NFIC: variants seen among roughly 807,000 people sequenced by gnomAD.
NFIC encodes nuclear factor I C.
A neutral mutation model predicts 54.4 loss-of-function variants in NFIC; 12 were observed. The observed-to-expected ratio is 0.22, with a 90% CI of 0.14 to 0.36. The LOEUF is 0.36. Among genes scored for constraint, NFIC ranks in the 10% least tolerant of loss-of-function variants. The pLI is 1.00. For missense variants in NFIC, 575 were observed against 718.2 expected (o/e 0.80, Z 2.28); for synonymous variants, 322 against 319.2 (o/e 1.01, Z -0.09).
chr19:3,369,513 G>A lies in NFIC; in HGVS notation c.30+2847G>A, dbSNP rs577374656. On this transcript the variant is annotated intron_variant, in intron 1 of 10. Transcript: ENST00000443272. The surrounding 1 kb of genome is among the most constrained non-coding windows in gnomAD (Gnocchi z 4.3). ...ATCCTTCTCGGGAGCCGAGGCTGGC[G>A]GGGGGTGGGGGGCATCTCGGTGCCA... Among the ~76,000 whole-genome samples, 350 of 152,178 alleles carry A rather than the reference G, an allele frequency of 2.3e-3. 2 individuals carry two copies. Among genetic ancestry groups the A allele is most frequent in the African/African-American group, 8.0e-3 (331 of 41,512 alleles).
intron 2 of NFIC, among the ~76,000 whole-genome samples, chr19:3,387,145 G>C (rs2081309350): frequency 6.6e-6 from 1 of 152,214 alleles, no homozygotes; most frequent in Non-Finnish European, 1.5e-5. Context: ...GGGGTGCAGG[G>C]TGGATGGCGG....
chr19:3,415,031 G>A (rs1194187823), intron 2 of NFIC, among the ~76,000 whole-genome samples: 1 of 151,862 alleles, frequency 6.6e-6, no homozygotes, highest in Non-Finnish European at 1.5e-5. Context: ...GTAGAGACGG[G>A]GTTTCTCCAT....
chr19:3,368,197 G>A (rs903280545), intron 1 of NFIC, among the ~76,000 whole-genome samples: 6 of 152,198 alleles, frequency 3.9e-5, no homozygotes, highest in Non-Finnish European at 5.9e-5. Flanking sequence ...AGGTGTCCCC[G>A]CTCTGTCCTC....
chr19:3,378,798 G>A (rs902000212), intron 1 of NFIC, among the ~76,000 whole-genome samples: 5 of 152,164 alleles, frequency 3.3e-5, no homozygotes, highest in South Asian at 2.1e-4. Context: ...GTGGCTGAGC[G>A]TCTGCTTCTC....
chr19:3,406,443 G>A (rs1477837220), intron 2 of NFIC, among the ~76,000 whole-genome samples: 1 of 150,762 alleles, frequency 6.6e-6, no homozygotes, highest in Non-Finnish European at 1.5e-5. Flanking sequence ...GCTCAAGCTG[G>A]TCTCGAACTT....
intron 1 of NFIC, among the ~76,000 whole-genome samples, chr19:3,368,979 C>T (rs117239071): frequency 0.026 from 3,913 of 151,522 alleles, 73 homozygotes; most frequent in Middle Eastern, 0.055. Flanking sequence ...ATCTCTGTCT[C>T]TCCCCGCCTC....
intron 2 of NFIC, among the ~76,000 whole-genome samples, chr19:3,415,203 G>A (rs967700647): frequency 1.6e-4 from 24 of 149,812 alleles, no homozygotes; most frequent in African/African-American, 5.2e-4. Context: ...GCCTCCACCT[G>A]CCAGGTTCAA....
chr19:3,397,216 G>A (rs1268692604), intron 2 of NFIC, among the ~76,000 whole-genome samples: 3 of 152,160 alleles, frequency 2.0e-5, no homozygotes, highest in African/African-American at 7.2e-5. Flanking sequence ...GCCTAGAGAG[G>A]CAAAGTCACT....
At chr19:3,434,988 G>T (rs895662930) in intron 5 of NFIC, 95 bp from the exon 6 acceptor site, 19 of 1,414,630 alleles carry the variant, frequency 1.3e-5, no homozygotes, top group Non-Finnish European at 1.7e-5. Flanking sequence ...CCTCGCCCCC[G>T]CTCACTTAAG....
chr19:3,454,391 AC>A, intron 9 of NFIC: 1 of 480,828 alleles, frequency 2.1e-6, no homozygotes, highest in Non-Finnish European at 2.7e-6. Context: ...AAGGAGCTAC[AC>A]CAGGCCCAGT....
In NFIC at chr19:3,442,729, C is replaced by T. The variant is rs534339197; in HGVS notation, c.959-6285C>T. Reference sequence around the variant, plus strand: ...AACCCCAGGGTGGAGGCTAGTGCAACGTGGCCTGGGGAGGGACAGAGTTGG... The same window carrying T: ...AACCCCAGGGTGGAGGCTAGTGCAATGTGGCCTGGGGAGGGACAGAGTTGG... On this transcript the variant is annotated intron_variant, in intron 6 of 10. Coordinates refer to ENST00000443272, the MANE Select transcript of NFIC (RefSeq NM_001245002.2). 1.6e-4 allele frequency among the ~76,000 whole-genome samples: 25 copies of T among 151,764 alleles called. No homozygotes were observed. The East Asian group carries it at 1.9e-3, about 12-fold the overall frequency.
At chr19:3,373,642 C>G (rs2081060587) in intron 1 of NFIC, among the ~76,000 whole-genome samples, 1 of 128,592 alleles carries the variant, frequency 7.8e-6, no homozygotes, top group African/African-American at 2.9e-5. Flanking sequence ...TAAAAAACAC[C>G]CCCCACCCCA....
chr19:3,456,559 C>G lies in NFIC; in HGVS notation c.1433C>G (p.Pro478Arg), dbSNP rs372572344. The change falls in exon 10 of 11, where the codon CCG becomes CGG. Residue 478 changes from proline (P) to arginine (R), a missense_variant. Pro to Arg is a moderately radical substitution (Grantham distance 103). This residue lies in a region of NFIC where 447 missense variants were observed against 526.9 expected (regional missense o/e 0.85). Coordinates refer to ENST00000443272, the MANE Select transcript of NFIC (RefSeq NM_001245002.2). ...TCTCTCCTCCCTGCAGCCTACTCTC[C>G]GCCCGACACGTCCCCTGCAAACCGT... Reference protein sequence around the residue: ...ATSPTSPSYSPPDTSPANRSF... With the variant: ...ATSPTSPSYSRPDTSPANRSF... 365 of 1,552,402 alleles carry G rather than the reference C, an allele frequency of 2.4e-4. 1 individual carries two copies. The highest frequency in any genetic ancestry group is 2.9e-4 in the Non-Finnish European group (329 of 1,147,372).
In NFIC at chr19:3,425,173, G is replaced by A. The variant is rs371331059; in HGVS notation, c.630G>A (p.Thr210=). 6.2e-6 allele frequency: 10 copies of A among 1,610,716 alleles called. No homozygotes were observed. The highest frequency in any genetic ancestry group is 4.5e-5 in the East Asian group (2 of 44,836). The change falls in exon 3 of 11, where the codon ACG becomes ACA. Residue 210 remains threonine, a synonymous_variant. Coordinates refer to ENST00000443272, the MANE Select transcript of NFIC (RefSeq NM_001245002.2). ...GSDQEDSKPI[T]LDTTDFQESF... ...ACCAGGAGGACAGCAAGCCCATCACGCTGGGTGAGTCTGGGGGCAGCGTGG... is the reference window on the plus strand; with the variant it reads ...ACCAGGAGGACAGCAAGCCCATCACACTGGGTGAGTCTGGGGGCAGCGTGG...
chr19:3,412,393 T>G (rs2081778024), intron 2 of NFIC, among the ~76,000 whole-genome samples: 1 of 152,164 alleles, frequency 6.6e-6, no homozygotes, highest in Non-Finnish European at 1.5e-5. Flanking sequence ...CTACAGGATG[T>G]GCCACCATGC....
chr19:3,467,788 T>TATATAA lies in NFIC; in HGVS notation c.*5020_*5021insTATAAA, dbSNP rs566623409. On this transcript the variant is annotated 3_prime_UTR_variant, in exon 11 of 11. Transcript: ENST00000443272. ...ATATATATATATATATATATATATA[T>TATATAA]AATTTTGGAATTTGTTTCTCATAAT... The TATATAA allele has an allele frequency of 3.7e-5, 5 of 136,800 alleles. No individual in the cohort carries two copies. Among genetic ancestry groups the TATATAA allele is most frequent in the African/African-American group, 1.1e-4 (4 of 35,364 alleles). The allele number at this position is 136,800 out of a possible 1,614,324, so 8.5% of individuals were successfully genotyped here.
At chr19:3,456,418 G>A (rs2082557085) in intron 9 of NFIC, 132 bp from the exon 10 acceptor site, 8 of 807,748 alleles carry the variant, frequency 9.9e-6, no homozygotes, top group South Asian at 3.4e-5. Flanking sequence ...CGGCAGGCTC[G>A]GAGGCCCCAG....
At chr19:3,455,581 A>G (rs1278935213) in intron 9 of NFIC, among the ~76,000 whole-genome samples, 1 of 149,056 alleles carries the variant, frequency 6.7e-6, no homozygotes, top group Non-Finnish European at 1.5e-5. Flanking sequence ...TACAATAGAC[A>G]CTTAATAGAT....
chr19:3,463,016 G>T lies in NFIC; in HGVS notation c.*247G>T. ...AAGCAAGAAGACAAAAGGTAAAGAC[G>T]CAACGTTTCCAACTCTCGGGACGCC... On this transcript the variant is annotated 3_prime_UTR_variant, in exon 11 of 11. Transcript: ENST00000443272. The T allele has an allele frequency of 7.3e-7, 1 of 1,373,572 alleles. No individual in the cohort carries two copies. The highest frequency in any genetic ancestry group is 1.7e-5 in the South Asian group (1 of 57,208). The allele number at this position is 1,373,572 out of a possible 1,614,324, so 85.1% of individuals were successfully genotyped here. A position where few individuals can be genotyped will look rare whatever the true frequency, so the allele number is the denominator to read the frequency against.
Sources: gnomAD v4.1 joint callset for allele counts (sites outside exome capture counted in the v4.1 genomes callset) on GRCh38, gnomAD v4.1.1 for gene constraint, gnomAD v4.1.1 regional missense constraint, Gnocchi (gnomAD v3.1) non-coding constraint, MANE v1.5 for transcripts, NCBI Gene and HGNC (gene_info 2026-07-23, HGNC 2026-07-21) for gene names.